Variants in PCDHGA5 observed in about 807,000 individuals in gnomAD.
PCDHGA5 encodes protocadherin gamma-A5.
In PCDHGA5, 36 loss-of-function variants were observed where a neutral mutation model predicts 56.7. The observed-to-expected ratio is 0.64, with a 90% CI of 0.49 to 0.84. PCDHGA5 has a LOEUF of 0.84. PCDHGA5 is among the 40% of genes least tolerant of loss of function. PCDHGA5 has a pLI of 0.00. For synonymous variants in PCDHGA5, 563 were observed against 520.2 expected, an observed-to-expected ratio of 1.08 and a Z score of -1.12; for missense variants, 1,305 against 1,201.5, an observed-to-expected ratio of 1.09 and a Z score of -1.27.
intron 1 of PCDHGA5, chr5:141,389,157 C>G: frequency 6.2e-7 from 1 of 1,613,976 alleles, no homozygotes; most frequent in African/African-American, 1.3e-5. Flanking sequence ...GGCAACAGAT[C>G]GGGGCAAGCC....
intron 1 of PCDHGA5, chr5:141,398,109 G>T: frequency 6.3e-7 from 1 of 1,594,204 alleles, no homozygotes; most frequent in Non-Finnish European, 8.5e-7. Context: ...TGGTGAGCAA[G>T]CTGAGGAGAG....
chr5:141,415,387 G>A (rs1347191224), intron 1 of PCDHGA5: 2 of 1,614,168 alleles, frequency 1.2e-6, no homozygotes. Context: ...CGGCTTGACA[G>A]GTGTGTCCGG....
At chr5:141,388,529 G>A in intron 1 of PCDHGA5, 1 of 1,613,814 alleles carries the variant, frequency 6.2e-7, no homozygotes, top group South Asian at 1.1e-5. Context: ...TGACTGCCTT[G>A]GACTTTGGAG....
chr5:141,415,740 GTTTTTTTTTTTTTT>G (rs57426385), intron 1 of PCDHGA5: 52 of 625,016 alleles, frequency 8.3e-5, no homozygotes, highest in East Asian at 4.1e-4. Context: ...GTTTATTAAG[GTTTTTTTTTTTTTT>G]TTTTTTTTTT....
At chr5:141,376,756 G>A (rs1049941497) in intron 1 of PCDHGA5, 9 of 448,098 alleles carry the variant, frequency 2.0e-5, no homozygotes, top group African/African-American at 1.7e-4. Context: ...GCGCAATCTC[G>A]GCTCACTGCA....
intron 1 of PCDHGA5, among the ~76,000 whole-genome samples, chr5:141,381,816 C>G (rs1588905035): frequency 8.2e-6 from 1 of 122,550 alleles, no homozygotes. Context: ...TTCTTTCTTT[C>G]TTTCTTCTTC....
intron 1 of PCDHGA5, chr5:141,403,361 A>T (rs760277157): frequency 3.1e-6 from 5 of 1,614,050 alleles, no homozygotes; most frequent in Middle Eastern, 1.6e-4. Context: ...CCAGGCCGAA[A>T]GTCTGGAAGT....
At chr5:141,475,448 G>A (rs774710049) in intron 1 of PCDHGA5, among the ~76,000 whole-genome samples, 1 of 152,214 alleles carries the variant, frequency 6.6e-6, no homozygotes, top group Non-Finnish European at 1.5e-5. Flanking sequence ...CAGATAATGA[G>A]GAAGTGACAG....
intron 1 of PCDHGA5, chr5:141,399,174 T>A: frequency 6.2e-7 from 1 of 1,613,818 alleles, no homozygotes; most frequent in Non-Finnish European, 8.5e-7. Flanking sequence ...ATTCTCTACT[T>A]GAAATGATTC....
intron 1 of PCDHGA5, among the ~76,000 whole-genome samples, chr5:141,449,762 G>T (rs909809198): frequency 6.6e-6 from 1 of 151,458 alleles, no homozygotes; most frequent in Non-Finnish European, 1.5e-5. Context: ...ACATTTGAGA[G>T]TAAGTTGTAG....
chr5:141,410,617 T>A, intron 1 of PCDHGA5: 2 of 1,603,978 alleles, frequency 1.2e-6, no homozygotes, highest in Non-Finnish European at 1.7e-6. Flanking sequence ...AGACTCTGAC[T>A]TCGGTGAGTT....
intron 1 of PCDHGA5, chr5:141,428,680 G>T: frequency 6.1e-6 from 1 of 162,778 alleles, no homozygotes; most frequent in Admixed American, 5.8e-5. Context: ...ATTTACAAAT[G>T]GATGAGGTTT....
At chr5:141,421,483 A>C in intron 1 of PCDHGA5, 4 of 1,614,128 alleles carry the variant, frequency 2.5e-6, no homozygotes, top group Non-Finnish European at 3.4e-6. Context: ...CGGCAGCTTG[A>C]TCACGGCAGG....
chr5:141,380,009 C>T lies in PCDHGA5; in HGVS notation c.2421+13258C>T, dbSNP rs529470373. Among the ~76,000 whole-genome samples the T allele has an allele frequency of 3.4e-5, 5 of 149,132 alleles. No individual in the cohort carries two copies. The South Asian group carries it at 8.7e-4, about 26-fold the overall frequency. ...CCTCCTCCTGGGTTCAAGCGATTCT[C>T]CTGCCTCAGCCTCCCAAGTAGCTGG... On this transcript the variant is annotated intron_variant, in intron 1 of 3. Transcript: ENST00000518069.
At chr5:141,371,146 T>C (rs751386839) in intron 1 of PCDHGA5, 4 of 1,614,022 alleles carry the variant, frequency 2.5e-6, no homozygotes, top group East Asian at 4.5e-5. Flanking sequence ...AGGGTCAATG[T>C]TGCAGAGAAC....
chr5:141,368,992 C>T (rs1228600699), intron 1 of PCDHGA5, among the ~76,000 whole-genome samples: 4 of 152,202 alleles, frequency 2.6e-5, no homozygotes, highest in South Asian at 2.1e-4. Context: ...AAGGTGAATT[C>T]GGTGTGGAAC....
At position 141,376,322 on chromosome 5, in the gene PCDHGA5, C is replaced by A. The variant is rs750074970; in HGVS notation, c.2421+9571C>A. On this transcript the variant is annotated intron_variant, in intron 1 of 3. Transcript: ENST00000518069. ...GCACTTTGTGGGCGTGGAAGGGGTTCGGGCTTTCCTGCAGACCTATTCCCA... is the reference window on the plus strand; with the variant it reads ...GCACTTTGTGGGCGTGGAAGGGGTTAGGGCTTTCCTGCAGACCTATTCCCA... The A allele has an allele frequency of 9.3e-6, 15 of 1,614,056 alleles. No individual in the cohort carries two copies. The Admixed American group carries it at 1.2e-4, about 13-fold the overall frequency.
At chr5:141,453,552 A>G (rs1005017830) in intron 1 of PCDHGA5, among the ~76,000 whole-genome samples, 2 of 152,188 alleles carry the variant, frequency 1.3e-5, no homozygotes, top group Non-Finnish European at 2.9e-5. Flanking sequence ...CACACTCTGT[A>G]GATAATCGAT....
intron 1 of PCDHGA5, chr5:141,478,670 C>G: frequency 6.4e-7 from 1 of 1,551,664 alleles, no homozygotes; most frequent in East Asian, 2.4e-5. Flanking sequence ...TTCACACTTT[C>G]AACTGGCCCT....
Sources: gnomAD v4.1 joint callset for allele counts (sites outside exome capture counted in the v4.1 genomes callset) on GRCh38, gnomAD v4.1.1 for gene constraint, MANE v1.5 for transcripts, NCBI Gene and HGNC (gene_info 2026-07-23, HGNC 2026-07-21) for gene names.